TNFSF11: variants seen among roughly 807,000 people sequenced by gnomAD.
TNFSF11 encodes tumor necrosis factor ligand superfamily member 11.
TNFSF11 carries 12 observed loss-of-function variants against 32.2 expected under a neutral mutation model. That is an observed-to-expected ratio of 0.37 (90% confidence interval 0.24 to 0.60). TNFSF11 has a LOEUF of 0.60. Among genes scored for constraint, TNFSF11 ranks in the 20% least tolerant of loss-of-function variants. The pLI is 0.66. For synonymous variants in TNFSF11, 172 were observed against 152.1 expected, an observed-to-expected ratio of 1.13 and a Z score of -0.96; for missense variants, 345 against 398.0, an observed-to-expected ratio of 0.87 and a Z score of 1.13.
chr13:42,594,207 T>C (rs1408846276), intron 2 of TNFSF11, among the ~76,000 whole-genome samples: 2 of 152,000 alleles, frequency 1.3e-5, no homozygotes, highest in African/African-American at 2.4e-5. Context: ...GCCTCCCGAG[T>C]ACCTGGGATT....
At chr13:42,594,042 G>A (rs1868646025) in intron 2 of TNFSF11, among the ~76,000 whole-genome samples, 1 of 152,170 alleles carries the variant, frequency 6.6e-6, no homozygotes, top group Admixed American at 6.5e-5. Flanking sequence ...AGCTGAGAAT[G>A]TTCTCAGTTG....
At chr13:42,604,312 C>T (rs749839119) in intron 4 of TNFSF11, among the ~76,000 whole-genome samples, 30 of 152,160 alleles carry the variant, frequency 2.0e-4, no homozygotes, top group Non-Finnish European at 4.3e-4. Context: ...TGATCATGCT[C>T]ACTCACTTGG....
chr13:42,563,911 A>G (rs1872775543), intron 1 of TNFSF11, among the ~76,000 whole-genome samples: 4 of 152,240 alleles, frequency 2.6e-5, no homozygotes, highest in South Asian at 4.1e-4. Flanking sequence ...ATATACTTCT[A>G]TGTTCCTTCT....
At chr13:42,569,892 T>G (rs1264442418), upstream of TNFSF11, among the ~76,000 whole-genome samples, 1 of 152,164 alleles carries the variant, frequency 6.6e-6, no homozygotes, top group Non-Finnish European at 1.5e-5. Context: ...TGAAAAAATG[T>G]AAAACAGTGG....
At chr13:42,564,899 TAGA>T (rs1456611606) in intron 1 of TNFSF11, among the ~76,000 whole-genome samples, 1 of 152,238 alleles carries the variant, frequency 6.6e-6, no homozygotes, top group African/African-American at 2.4e-5. Flanking sequence ...TCTCATACAC[TAGA>T]AGATCTCTCT....
chr13:42,572,118 C>A (rs905921382), upstream of TNFSF11, among the ~76,000 whole-genome samples: 5 of 152,162 alleles, frequency 3.3e-5, no homozygotes, highest in African/African-American at 1.2e-4. Flanking sequence ...TCTAATACAG[C>A]CTATGGAAGC....
intron 2 of TNFSF11, among the ~76,000 whole-genome samples, chr13:42,595,239 T>C (rs1868740463): frequency 6.6e-6 from 1 of 152,188 alleles, no homozygotes; most frequent in East Asian, 1.9e-4. Context: ...TTGCTCTCTT[T>C]GGTAGTTCGG....
chr13:42,600,730 T>G (rs1232713701), intron 2 of TNFSF11, 22 bp from the exon 3 acceptor site: 1 of 1,600,922 alleles, frequency 6.2e-7, no homozygotes, highest in Non-Finnish European at 8.5e-7. Flanking sequence ...ATAAATAAAA[T>G]TATTTTTCCT....
chr13:42,604,224 A>AT, intron 4 of TNFSF11, among the ~76,000 whole-genome samples: 1 of 152,322 alleles, frequency 6.6e-6, no homozygotes, highest in African/African-American at 2.4e-5. Context: ...ATAACTTGAG[A>AT]TGGGAAACAT....
At chr13:42,605,925 T>C (rs1278741936) in intron 4 of TNFSF11, among the ~76,000 whole-genome samples, 1 of 152,202 alleles carries the variant, frequency 6.6e-6, no homozygotes, top group African/African-American at 2.4e-5. Flanking sequence ...CTTTCCCTCT[T>C]CATGAGTTAA....
intron 2 of TNFSF11, among the ~76,000 whole-genome samples, chr13:42,568,539 A>G (rs1402283413): frequency 3.3e-5 from 5 of 152,366 alleles, no homozygotes; most frequent in Admixed American, 2.0e-4. Context: ...GCTGAAGGGA[A>G]TGTAATAAGA....
chr13:42,564,490 C>T lies in TNFSF11; in HGVS notation c.-302+1527C>T, dbSNP rs112087887. 6.9e-3 allele frequency among the ~76,000 whole-genome samples: 1,056 copies of T among 152,170 alleles called. 8 individuals are homozygous for T. The highest frequency in any genetic ancestry group is 0.01 in the Non-Finnish European group (707 of 68,008). ...GCTGAGGCAGGAGAATTGCTTGAAT[C>T]CAGAAGGTGAAGGTTGCGGTGAGCC... On this transcript the variant is annotated intron_variant, in intron 1 of 6. Transcript: ENST00000358545.
chr13:42,567,747 T>C (rs1005720126), intron 2 of TNFSF11, among the ~76,000 whole-genome samples: 3 of 152,258 alleles, frequency 2.0e-5, no homozygotes, highest in Admixed American at 6.5e-5. Context: ...AGACTGTTTA[T>C]GGCAATAAGA....
At position 42,574,347 on chromosome 13, in the gene TNFSF11, C is replaced by A. The variant is rs774289363; in HGVS notation, c.44C>A (p.Ser15Ter). The change falls in exon 1 of 5, where the codon TCG becomes TAG. Residue 15 changes from serine (S) to a stop codon, truncating the protein, a stop_gained. Transcript: ENST00000398795. LOFTEE classifies it high-confidence loss of function. ...GACTACACCAAGTACCTGCGTGGCT[C>A]GGAGGAGATGGGCGGCGGCCCCGGA... Reference protein sequence around the residue: ...SRDYTKYLRGSEEMGGGPGAP... With the variant: ...SRDYTKYLRG The A allele has an allele frequency of 6.5e-7, 1 of 1,544,204 alleles. No individual in the cohort carries two copies. The highest frequency in any genetic ancestry group is 8.7e-7 in the Non-Finnish European group (1 of 1,145,542).
At chr13:42,586,875 G>C (rs1409443090) in intron 2 of TNFSF11, among the ~76,000 whole-genome samples, 3 of 152,012 alleles carry the variant, frequency 2.0e-5, no homozygotes, top group Non-Finnish European at 4.4e-5. Flanking sequence ...GTACCTATTT[G>C]GCCTCATCTT....
intron 1 of TNFSF11, among the ~76,000 whole-genome samples, chr13:42,578,572 T>G (rs1454462427): frequency 6.6e-6 from 1 of 152,260 alleles, no homozygotes; most frequent in East Asian, 1.9e-4. Context: ...ATTCTTGATT[T>G]CTTTTGGGAA....
At chr13:42,601,032 A>G in intron 4 of TNFSF11, 51 bp downstream of exon 4, 3 of 1,600,574 alleles carry the variant, frequency 1.9e-6, no homozygotes, top group Non-Finnish European at 2.6e-6. Context: ...GTCATTTATC[A>G]GCCCATTTCA....
At chr13:42,598,131 G>A (rs528936736) in intron 2 of TNFSF11, among the ~76,000 whole-genome samples, 2 of 152,312 alleles carry the variant, frequency 1.3e-5, no homozygotes, top group South Asian at 4.1e-4. Flanking sequence ...ACAAGCATGA[G>A]CCATCATGCC....
chr13:42,582,754 G>T (rs1271522117), intron 2 of TNFSF11, among the ~76,000 whole-genome samples: 1 of 152,174 alleles, frequency 6.6e-6, no homozygotes, highest in Non-Finnish European at 1.5e-5. Context: ...AACAGCAACA[G>T]CAATTCTGTT....
Sources: allele counts gnomAD v4.1 joint callset (sites outside exome capture counted in the v4.1 genomes callset), GRCh38; gene constraint gnomAD v4.1.1; transcripts MANE v1.5; gene names NCBI Gene and HGNC (gene_info 2026-07-23, HGNC 2026-07-21).